The following AGPS variants were observed in gnomAD, a reference collection of about 807,000 sequenced individuals.
AGPS encodes alkylglycerone phosphate synthase.
In AGPS, 26 loss-of-function variants were observed where a neutral mutation model predicts 90.7. The ratio of observed to expected loss-of-function variants is 0.29; its 90% CI spans 0.21 to 0.40. AGPS has a LOEUF of 0.40. Among genes scored for constraint, AGPS ranks in the 10% least tolerant of loss-of-function variants. The pLI is 1.00. For synonymous variants in AGPS, 294 were observed against 285.3 expected, an observed-to-expected ratio of 1.03 and a Z score of -0.31; for missense variants, 540 against 816.1, an observed-to-expected ratio of 0.66 and a Z score of 4.12.
chr2:177,465,814 C>G (rs1438081426), intron 9 of AGPS, among the ~76,000 whole-genome samples: 1 of 152,218 alleles, frequency 6.6e-6, no homozygotes, highest in Non-Finnish European at 1.5e-5. Flanking sequence ...AGGGCCACAG[C>G]TCTTCTCTCC....
intron 14 of AGPS, among the ~76,000 whole-genome samples, chr2:177,504,557 G>A (rs1174720231): frequency 6.6e-6 from 1 of 151,978 alleles, no homozygotes; most frequent in Admixed American, 6.6e-5. Flanking sequence ...GGCAAGTCAG[G>A]AAATTTTGAT....
At chr2:177,442,385 T>TTG (rs1232328631) in intron 6 of AGPS, 22 bp from the exon 7 acceptor site, 2 of 1,571,882 alleles carry the variant, frequency 1.3e-6, no homozygotes, top group South Asian at 2.2e-5. Flanking sequence ...AACATAAAAG[T>TTG]TGTTGTTTCC....
At chr2:177,537,380 A>G (rs2079193406) in intron 19 of AGPS, among the ~76,000 whole-genome samples, 2 of 152,160 alleles carry the variant, frequency 1.3e-5, no homozygotes, top group African/African-American at 4.8e-5. Context: ...AACTTTGTAC[A>G]GTATGTAAAA....
At chr2:177,461,846 G>A (rs770291166) in intron 8 of AGPS, 47 bp from the exon 9 acceptor site, 6 of 1,564,370 alleles carry the variant, frequency 3.8e-6, no homozygotes, top group East Asian at 2.4e-5. Context: ...AGTGCTGTAC[G>A]TAATGGGACC....
At chr2:177,493,125 T>C in intron 11 of AGPS, 23 bp from the exon 12 acceptor site, 1 of 1,476,660 alleles carries the variant, frequency 6.8e-7, no homozygotes, top group Non-Finnish European at 9.3e-7. Context: ...TTTGTATCAC[T>C]TTTTTTTTTC....
chr2:177,539,968 C>T lies in AGPS; in HGVS notation c.*1773C>T, dbSNP rs1286395525. ...CAGCTTTATAAAATGCATCTGTTCA[C>T]GAAGGTAATTTCTTTAATTGGTGAT... On this transcript the variant is annotated 3_prime_UTR_variant, in exon 20 of 20. Coordinates refer to ENST00000264167, the MANE Select transcript of AGPS (RefSeq NM_003659.4). The T allele has an allele frequency of 6.7e-6, 1 of 149,694 alleles. No individual in the cohort carries two copies. Among genetic ancestry groups the T allele is most frequent in the African/African-American group, 2.5e-5 (1 of 40,664 alleles). 9.3% of individuals were successfully genotyped at this position (149,694 alleles called of 1,614,324 possible).
chr2:177,466,188 C>T (rs1176278285), intron 9 of AGPS, among the ~76,000 whole-genome samples: 1 of 152,002 alleles, frequency 6.6e-6, no homozygotes, highest in Non-Finnish European at 1.5e-5. Context: ...TGGGTAGCTC[C>T]TCTCCATAAG....
chr2:177,457,716 A>G (rs1687161735), intron 8 of AGPS, among the ~76,000 whole-genome samples: 1 of 152,228 alleles, frequency 6.6e-6, no homozygotes, highest in Admixed American at 6.5e-5. Context: ...AAAAAAGTAC[A>G]GGACTAGACG....
chr2:177,443,059 C>A (rs1443567678), intron 7 of AGPS, among the ~76,000 whole-genome samples: 1 of 151,794 alleles, frequency 6.6e-6, no homozygotes, highest in Non-Finnish European at 1.5e-5. Context: ...GTCATACTTT[C>A]TTTATCTTTC....
intron 11 of AGPS, among the ~76,000 whole-genome samples, chr2:177,489,966 A>G (rs954618609): frequency 1.3e-5 from 2 of 152,184 alleles, no homozygotes; most frequent in Non-Finnish European, 2.9e-5. Context: ...TCAGCCCTGC[A>G]TTAGTAAATA....
intron 16 of AGPS, among the ~76,000 whole-genome samples, chr2:177,512,253 T>C (rs191607362): frequency 6.6e-6 from 1 of 152,220 alleles, no homozygotes; most frequent in Non-Finnish European, 1.5e-5. Flanking sequence ...CTAAATGTTT[T>C]ATGAGATTTT....
At chr2:177,412,884 C>T (rs568625429) in intron 1 of AGPS, among the ~76,000 whole-genome samples, 2 of 152,282 alleles carry the variant, frequency 1.3e-5, no homozygotes, top group East Asian at 3.9e-4. Flanking sequence ...GGGCACTTAG[C>T]TGTGCAGGAA....
intron 11 of AGPS, among the ~76,000 whole-genome samples, chr2:177,486,417 G>A (rs1169871462): frequency 6.6e-6 from 1 of 152,098 alleles, no homozygotes; most frequent in African/African-American, 2.4e-5. Flanking sequence ...CTTTGTAATA[G>A]TGTTTTCAGG....
intron 3 of AGPS, among the ~76,000 whole-genome samples, chr2:177,435,914 G>A (rs1375512528): frequency 1.3e-5 from 2 of 152,060 alleles, no homozygotes; most frequent in African/African-American, 4.8e-5. Flanking sequence ...TTTAACAGAT[G>A]AAGAAGCCAA....
rs1004250556 is a variant in AGPS at position 177,519,211 on chromosome 2, C to A, written c.1698-2058C>A. The stretch of plus-strand genomic sequence containing the variant: ...ATCTGGTTCCTCTACTCATGGATGT[C>A]TAGCTTTTTTTACTCTCCTTTGTTA... On this transcript the variant is annotated intron_variant, in intron 17 of 19. Transcript: ENST00000264167. 3.9e-5 allele frequency among the ~76,000 whole-genome samples: 6 copies of A among 152,046 alleles called. No homozygotes were observed. In the East Asian group the frequency reaches 9.6e-4, roughly 24 times the overall value.
chr2:177,476,736 C>A (rs1039867008), intron 10 of AGPS, among the ~76,000 whole-genome samples: 3 of 151,960 alleles, frequency 2.0e-5, no homozygotes, highest in African/African-American at 7.2e-5. Context: ...GTTGTTGTGT[C>A]CATTATAGAA....
At chr2:177,453,284 T>C (rs555657370) in intron 8 of AGPS, among the ~76,000 whole-genome samples, 70 of 151,276 alleles carry the variant, frequency 4.6e-4, no homozygotes, top group Non-Finnish European at 9.6e-4. Context: ...TTTTTTTTTC[T>C]TTGAGACAGA....
intron 2 of AGPS, among the ~76,000 whole-genome samples, chr2:177,427,971 GTAGGTC>G (rs966888998): frequency 2.0e-5 from 3 of 152,112 alleles, no homozygotes; most frequent in Non-Finnish European, 2.9e-5. Context: ...AAGTCTCTTT[GTAGGTC>G]TCTAATAATT....
Position 177,538,318 on chromosome 2 carries a change from AAGTTTGTTTTCATTCTGT to A in AGPS, c.*134_*151del. 1 of 1,115,640 alleles carries A rather than the reference AAGTTTGTTTTCATTCTGT, an allele frequency of 9.0e-7. No individual in the cohort carries two copies. The highest frequency in any genetic ancestry group is 1.3e-6 in the Non-Finnish European group (1 of 774,390). 69.1% of individuals were successfully genotyped at this position (1,115,640 alleles called of 1,614,324 possible). On this transcript the variant is annotated 3_prime_UTR_variant, in exon 20 of 20. Coordinates refer to ENST00000264167, the MANE Select transcript of AGPS (RefSeq NM_003659.4). ...TACATTTGTTTCTTTGGTTTAAAAT[AAGTTTGTTTTCATTCTGT>A]AGTTTGTTTTGTTTCTACATCTATG...
Sources: gnomAD v4.1 joint callset for allele counts (sites outside exome capture counted in the v4.1 genomes callset) on GRCh38, gnomAD v4.1.1 for gene constraint, MANE v1.5 for transcripts, NCBI Gene and HGNC (gene_info 2026-07-23, HGNC 2026-07-21) for gene names.